The following POU6F2 variants were observed in gnomAD, a reference collection of about 807,000 sequenced individuals.
POU6F2 encodes the protein POU class 6 homeobox 2, also known as POU domain, class 6, transcription factor 2.
Under a neutral mutation model 71.3 loss-of-function variants are expected in POU6F2, and 31 were observed. That is an observed-to-expected ratio of 0.43 (90% confidence interval 0.33 to 0.59). The LOEUF (loss-of-function observed/expected upper bound fraction) is 0.59, where lower values mean the gene tolerates loss of function less well. Ranked by LOEUF, POU6F2 falls within the 20% of genes least tolerant of loss-of-function variation. POU6F2 has a pLI of 0.04. For missense variants in POU6F2, 783 were observed against 856.8 expected, an observed-to-expected ratio of 0.91 and a Z score of 1.07; for synonymous variants, 347 against 355.7, an observed-to-expected ratio of 0.98 and a Z score of 0.27.
In POU6F2 at chr7:39,230,917, AGTTTTCAACTGGG is replaced by A. The variant is rs375273204; in HGVS notation, c.598+23299_598+23311del. 1.6e-3 allele frequency among the ~76,000 whole-genome samples: 251 copies of A among 152,300 alleles called. 1 individual carries two copies. Among genetic ancestry groups the A allele is most frequent in the African/African-American group, 5.7e-3 (238 of 41,562 alleles). On this transcript the variant is annotated intron_variant, in intron 4 of 9. Transcript: ENST00000518318. ...GTGCTAGACAAAGAATAAGCACAGT[AGTTTTCAACTGGG>A]GGTGAGTCTTCCCCTACTCCCCCAG...
intron 1 of POU6F2, among the ~76,000 whole-genome samples, chr7:38,981,455 T>C (rs1788314162): frequency 6.6e-6 from 1 of 152,228 alleles, no homozygotes; most frequent in African/African-American, 2.4e-5. Flanking sequence ...AGGGTCCCTG[T>C]TGGCTTCACG....
chr7:39,146,460 T>A (rs894738616), intron 2 of POU6F2, among the ~76,000 whole-genome samples: 2 of 152,138 alleles, frequency 1.3e-5, no homozygotes, highest in African/African-American at 4.8e-5. Context: ...AGTGATATGA[T>A]TAGATTTGGT....
chr7:39,191,654 CT>C (rs1442056937), intron 2 of POU6F2, among the ~76,000 whole-genome samples: 3 of 152,172 alleles, frequency 2.0e-5, no homozygotes, highest in Non-Finnish European at 4.4e-5. Context: ...TTCTGTGGAG[CT>C]TTTGTTCTAT....
intron 4 of POU6F2, among the ~76,000 whole-genome samples, chr7:39,232,449 G>T (rs146705828): frequency 6.9e-4 from 105 of 152,256 alleles, no homozygotes; most frequent in African/African-American, 2.5e-3. Context: ...TTCCAAGGAG[G>T]AGAACAAAGG....
Position 39,313,023 on chromosome 7 carries a change from C to A in POU6F2, c.599-26619C>A, listed in dbSNP as rs188070474. Among the ~76,000 whole-genome samples the A allele has an allele frequency of 2.7e-3, 411 of 151,836 alleles. 3 individuals are homozygous for A. Among genetic ancestry groups the A allele is most frequent in the Non-Finnish European group, 4.9e-3 (330 of 67,984 alleles). ...GGGGACTGCTGTACTATGTGAGAGC[C>A]CAGAGAACGCAGCAATATTGAAAAT... On this transcript the variant is annotated intron_variant, in intron 4 of 9. Coordinates refer to ENST00000518318, the MANE Select transcript of POU6F2 (RefSeq NM_001370959.1).
At chr7:39,025,739 A>G (rs890507777) in intron 1 of POU6F2, among the ~76,000 whole-genome samples, 51 of 150,580 alleles carry the variant, frequency 3.4e-4, no homozygotes, top group African/African-American at 1.2e-3. Context: ...AAAAGCCAAA[A>G]TTGACAAATC....
intron 6 of POU6F2, among the ~76,000 whole-genome samples, chr7:39,412,755 C>G (rs1486085126): frequency 1.0e-5 from 1 of 96,616 alleles, no homozygotes; most frequent in South Asian, 3.5e-4. Flanking sequence ...CAATTTTTTC[C>G]GTATTAGCTT....
Position 39,464,191 on chromosome 7 carries a change from C to G in POU6F2, c.1668C>G (p.Ile556Met). The G allele has an allele frequency of 6.2e-7, 1 of 1,613,632 alleles. No individual in the cohort carries two copies. Among genetic ancestry groups the G allele is most frequent in the Non-Finnish European group, 8.5e-7 (1 of 1,179,636 alleles). Reference protein sequence around the residue: ...YSQSAICRHTILRSHFFLPQE... With the variant: ...YSQSAICRHTMLRSHFFLPQE... Reference sequence around the variant, plus strand: ...CAATTTTCCCCCCCAGACACACCATCCTGAGAAGCCACTTTTTCCTACCAC... The same window carrying G: ...CAATTTTCCCCCCCAGACACACCATGCTGAGAAGCCACTTTTTCCTACCAC... Residue 556 changes from isoleucine to methionine, a missense_variant, in exon 10 of 10, where the codon ATC (isoleucine) becomes ATG (methionine). Physicochemically the swap from Ile to Met is conservative, Grantham distance 10 (BLOSUM62 1). This residue lies in a region of POU6F2 where 211 missense variants were observed against 283.9 expected (regional missense o/e 0.74). Transcript: ENST00000518318. This position sits in a 1 kb window ranked among gnomAD's most constrained non-coding sequence, Gnocchi z 4.1.
intron 4 of POU6F2, among the ~76,000 whole-genome samples, chr7:39,279,095 G>T (rs546352077): frequency 6.6e-6 from 1 of 152,098 alleles, no homozygotes; most frequent in Non-Finnish European, 1.5e-5. Context: ...TGTCATGCAC[G>T]GCCATTCAGA....
intron 2 of POU6F2, among the ~76,000 whole-genome samples, chr7:39,126,604 T>C (rs988535053): frequency 6.6e-6 from 1 of 152,192 alleles, no homozygotes; most frequent in African/African-American, 2.4e-5. Context: ...ATGAAAATAA[T>C]TAAGACTGGC....
At chr7:39,397,396 T>C (rs1287830569) in intron 5 of POU6F2, among the ~76,000 whole-genome samples, 1 of 146,002 alleles carries the variant, frequency 6.8e-6, no homozygotes, top group East Asian at 1.9e-4. Flanking sequence ...TATAGACAAA[T>C]ATATATATAG....
intron 4 of POU6F2, among the ~76,000 whole-genome samples, chr7:39,331,081 T>C (rs1293556999): frequency 6.6e-6 from 1 of 152,232 alleles, no homozygotes; most frequent in Non-Finnish European, 1.5e-5. Context: ...TCCTCGGGGT[T>C]CATTTATGTT....
intron 4 of POU6F2, among the ~76,000 whole-genome samples, chr7:39,331,537 T>C (rs960372143): frequency 6.6e-6 from 1 of 152,160 alleles, no homozygotes; most frequent in Non-Finnish European, 1.5e-5. Flanking sequence ...AAATGGAGTC[T>C]CGCTCTGTCA....
chr7:39,401,052 A>G (rs1488052726), intron 5 of POU6F2, among the ~76,000 whole-genome samples: 1 of 152,228 alleles, frequency 6.6e-6, no homozygotes, highest in Non-Finnish European at 1.5e-5. Flanking sequence ...AGGAGGGGCC[A>G]GGCTCCTCCC....
chr7:39,039,777 A>C (rs1790142995), intron 1 of POU6F2, among the ~76,000 whole-genome samples: 1 of 151,092 alleles, frequency 6.6e-6, no homozygotes, highest in Non-Finnish European at 1.5e-5. Flanking sequence ...ACAAATTTGG[A>C]TTTTCAGTTT....
intron 2 of POU6F2, among the ~76,000 whole-genome samples, chr7:39,111,515 T>C (rs188133781): frequency 9.9e-4 from 151 of 152,338 alleles, no homozygotes; most frequent in African/African-American, 3.0e-3. Context: ...TGTTAATGGT[T>C]CTCTGCATAA....
At chr7:39,200,200 C>T (rs1365754316) in intron 2 of POU6F2, among the ~76,000 whole-genome samples, 1 of 152,164 alleles carries the variant, frequency 6.6e-6, no homozygotes, top group Non-Finnish European at 1.5e-5. Flanking sequence ...AAAGGAGATT[C>T]AGCCTTGCCT....
chr7:39,156,329 T>C (rs1171597654), intron 2 of POU6F2, among the ~76,000 whole-genome samples: 3 of 152,214 alleles, frequency 2.0e-5, no homozygotes, highest in Non-Finnish European at 4.4e-5. Context: ...TCATTGACTT[T>C]TGAGGCTTTT....
intron 4 of POU6F2, among the ~76,000 whole-genome samples, chr7:39,247,807 G>A (rs940937524): frequency 6.6e-6 from 1 of 152,132 alleles, no homozygotes; most frequent in African/African-American, 2.4e-5. Flanking sequence ...TTAAGTTAAT[G>A]GTCAACTGTA....
Sources: allele counts gnomAD v4.1 joint callset (sites outside exome capture counted in the v4.1 genomes callset), GRCh38; gene constraint gnomAD v4.1.1; regional missense constraint gnomAD v4.1.1; non-coding constraint Gnocchi (gnomAD v3.1); transcripts MANE v1.5; gene names NCBI Gene and HGNC (gene_info 2026-07-23, HGNC 2026-07-21).